The following ADAMTS6 variants were observed in gnomAD, a reference collection of about 807,000 sequenced individuals.
ADAMTS6 encodes ADAM metallopeptidase with thrombospondin type 1 motif 6.
A neutral mutation model predicts 144.3 loss-of-function variants in ADAMTS6; 23 were observed. That is an observed-to-expected ratio of 0.16 (90% CI 0.11 to 0.23). The LOEUF is 0.23. Ranked by LOEUF, ADAMTS6 falls within the 10% of genes least tolerant of loss-of-function variation. The pLI is 1.00. For synonymous variants in ADAMTS6, 444 were observed against 457.5 expected (o/e 0.97, Z 0.38); for missense variants, 999 against 1,379.6 (o/e 0.72, Z 4.37).
At chr5:65,392,420 A>G (rs73111131) in intron 7 of ADAMTS6, among the ~76,000 whole-genome samples, 3,027 of 152,248 alleles carry the variant, frequency 0.02, 96 homozygotes, top group African/African-American at 0.069. Context: ...ATATATTAAT[A>G]CTAGTCAGCC....
At chr5:65,256,498 CATAA>C (rs1760672627) in intron 14 of ADAMTS6, 1 of 152,126 alleles carries the variant, frequency 6.6e-6, no homozygotes, top group African/African-American at 2.4e-5. Context: ...ATGAAGAAAA[CATAA>C]ATATATATGT....
intron 7 of ADAMTS6, among the ~76,000 whole-genome samples, chr5:65,434,105 T>A (rs1757201469): frequency 6.6e-6 from 1 of 152,164 alleles, no homozygotes; most frequent in Non-Finnish European, 1.5e-5. Context: ...TGCTACAACA[T>A]GGATGAACTT....
chr5:65,407,104 G>A (rs540442820), intron 7 of ADAMTS6, among the ~76,000 whole-genome samples: 75 of 152,208 alleles, frequency 4.9e-4, no homozygotes, highest in African/African-American at 1.7e-3. Flanking sequence ...AGCAAGGCAA[G>A]CCAACATTCA....
chr5:65,362,332 A>C (rs1019988652), intron 7 of ADAMTS6, among the ~76,000 whole-genome samples: 2 of 152,220 alleles, frequency 1.3e-5, no homozygotes, highest in Non-Finnish European at 2.9e-5. Context: ...CATATCGGCT[A>C]TCTCAACTTT....
intron 7 of ADAMTS6, among the ~76,000 whole-genome samples, chr5:65,426,259 A>G (rs1756526088): frequency 7.2e-6 from 1 of 138,842 alleles, no homozygotes; most frequent in African/African-American, 2.7e-5. Context: ...GGATTTTGCC[A>G]TGTTGGCCAG....
chr5:65,421,380 G>T (rs1756027971), intron 7 of ADAMTS6, among the ~76,000 whole-genome samples: 1 of 152,144 alleles, frequency 6.6e-6, no homozygotes, highest in Admixed American at 6.6e-5. Context: ...ATTTAATGAG[G>T]CTAAAGATAG....
At chr5:65,472,892 G>A (rs1003658519) in intron 2 of ADAMTS6, among the ~76,000 whole-genome samples, 1 of 151,822 alleles carries the variant, frequency 6.6e-6, no homozygotes, top group South Asian at 2.1e-4. Flanking sequence ...CTGGTTCATC[G>A]GCACCAAAAA....
chr5:65,365,669 T>C (rs985874901), intron 7 of ADAMTS6, among the ~76,000 whole-genome samples: 1 of 96,818 alleles, frequency 1.0e-5, no homozygotes, highest in African/African-American at 6.4e-5. Context: ...AAAAATTAAC[T>C]GAACAAGGAG....
intron 22 of ADAMTS6, among the ~76,000 whole-genome samples, chr5:65,184,926 T>C (rs1754579775): frequency 6.6e-6 from 1 of 152,160 alleles, no homozygotes; most frequent in South Asian, 2.1e-4. Context: ...GGCAAATTCC[T>C]CTTGCTGCAA....
chr5:65,340,951 A>G (rs534150742), intron 7 of ADAMTS6, among the ~76,000 whole-genome samples: 6 of 152,184 alleles, frequency 3.9e-5, no homozygotes, highest in African/African-American at 1.2e-4. Context: ...AGCAAATATT[A>G]TCAGATCTAA....
chr5:65,386,990 T>C (rs1752526905), intron 7 of ADAMTS6, among the ~76,000 whole-genome samples: 1 of 152,218 alleles, frequency 6.6e-6, no homozygotes, highest in African/African-American at 2.4e-5. Context: ...GACTTCACTG[T>C]ATTTGCTATG....
At chr5:65,229,574 T>G (rs1029989590) in intron 15 of ADAMTS6, among the ~76,000 whole-genome samples, 1 of 152,056 alleles carries the variant, frequency 6.6e-6, no homozygotes, top group Non-Finnish European at 1.5e-5. Context: ...AAACAATACA[T>G]GAACAAAGTG....
At chr5:65,389,993 G>A (rs916271427) in intron 7 of ADAMTS6, among the ~76,000 whole-genome samples, 5 of 152,106 alleles carry the variant, frequency 3.3e-5, no homozygotes, top group African/African-American at 1.2e-4. Flanking sequence ...CAAAATCACA[G>A]TGTCTTAGAA....
At chr5:65,378,275 C>A (rs1751731783) in intron 7 of ADAMTS6, among the ~76,000 whole-genome samples, 1 of 152,100 alleles carries the variant, frequency 6.6e-6, no homozygotes, top group African/African-American at 2.4e-5. Flanking sequence ...GATTTTTCTT[C>A]CCTTTCATTC....
intron 22 of ADAMTS6, among the ~76,000 whole-genome samples, chr5:65,184,963 C>G (rs1754582037): frequency 6.6e-6 from 1 of 152,154 alleles, no homozygotes; most frequent in African/African-American, 2.4e-5. Flanking sequence ...GAACCTCACC[C>G]TTGTGATTAG....
chr5:65,246,834 A>T (rs1252347940), intron 14 of ADAMTS6, among the ~76,000 whole-genome samples: 2 of 152,144 alleles, frequency 1.3e-5, no homozygotes, highest in Non-Finnish European at 2.9e-5. Flanking sequence ...GAATGCTCTG[A>T]ATTTGCGTTG....
At chr5:65,363,498 T>G (rs1750019715) in intron 7 of ADAMTS6, among the ~76,000 whole-genome samples, 1 of 152,148 alleles carries the variant, frequency 6.6e-6, no homozygotes, top group Non-Finnish European at 1.5e-5. Context: ...TTGAAAAATC[T>G]TTACCTTTTC....
At chr5:65,329,582 T>C in intron 8 of ADAMTS6, 99 bp from the exon 9 acceptor site, 5 of 996,506 alleles carry the variant, frequency 5.0e-6, no homozygotes, top group Non-Finnish European at 7.1e-6. Context: ...ATAACCTCCA[T>C]GCACAGAAGG....
intron 20 of ADAMTS6, among the ~76,000 whole-genome samples, chr5:65,206,699 CAAAAAA>C (rs11296295): frequency 1.3e-5 from 1 of 77,888 alleles, no homozygotes; most frequent in African/African-American, 5.1e-5. Flanking sequence ...GACTCCATCT[CAAAAAA>C]AAAAAAAAAA....
Sources: allele counts gnomAD v4.1 joint callset (sites outside exome capture counted in the v4.1 genomes callset), GRCh38; gene constraint gnomAD v4.1.1; transcripts MANE v1.5; gene names NCBI Gene and HGNC (gene_info 2026-07-23, HGNC 2026-07-21).